MYO1B: variants seen among roughly 807,000 people sequenced by gnomAD.
The protein encoded by MYO1B is unconventional myosin-Ib.
In MYO1B, 72 loss-of-function variants were observed where a neutral mutation model predicts 159.7. That is an observed-to-expected ratio of 0.45 (90% CI 0.37 to 0.55). The LOEUF (loss-of-function observed/expected upper bound fraction) is 0.55, where lower values mean the gene tolerates loss of function less well. MYO1B is among the 20% of genes least tolerant of loss of function. The pLI is 0.00. For synonymous variants in MYO1B, 468 were observed against 473.8 expected, an observed-to-expected ratio of 0.99 and a Z score of 0.16; for missense variants, 1,062 against 1,364.8, an observed-to-expected ratio of 0.78 and a Z score of 3.50.
At chr2:191,341,233 G>A (rs1292971696) in intron 4 of MYO1B, among the ~76,000 whole-genome samples, 1 of 151,914 alleles carries the variant, frequency 6.6e-6, no homozygotes, top group Non-Finnish European at 1.5e-5. Flanking sequence ...TTTTTTAACA[G>A]CCCAGTGATA....
chr2:191,387,676 T>C (rs1255660482), intron 17 of MYO1B: 2 of 580,588 alleles, frequency 3.4e-6, no homozygotes, highest in African/African-American at 1.9e-5. Flanking sequence ...ATAGTAGATA[T>C]TTAATGAAAC....
chr2:191,368,411 C>T (rs1694147923), intron 11 of MYO1B, among the ~76,000 whole-genome samples: 1 of 152,148 alleles, frequency 6.6e-6, no homozygotes, highest in African/African-American at 2.4e-5. Flanking sequence ...CTCCAGGCCT[C>T]CCCAGGATGC....
chr2:191,256,226 G>A (rs1407071888), intron 1 of MYO1B, among the ~76,000 whole-genome samples: 1 of 152,158 alleles, frequency 6.6e-6, no homozygotes, highest in African/African-American at 2.4e-5. Context: ...GACAATACTG[G>A]TTTTTGAAAC....
chr2:191,327,365 A>G (rs1388219230), intron 3 of MYO1B, among the ~76,000 whole-genome samples: 1 of 152,328 alleles, frequency 6.6e-6, no homozygotes, highest in East Asian at 1.9e-4. Context: ...AGGTGTGTAC[A>G]TAACTAATTA....
chr2:191,312,001 T>G (rs1383533692), intron 3 of MYO1B, among the ~76,000 whole-genome samples: 1 of 152,246 alleles, frequency 6.6e-6, no homozygotes, highest in African/African-American at 2.4e-5. Context: ...TATGATTGAT[T>G]GTTAATGTCA....
chr2:191,300,493 G>A (rs897933770), intron 3 of MYO1B, among the ~76,000 whole-genome samples: 5 of 151,786 alleles, frequency 3.3e-5, no homozygotes, highest in Admixed American at 6.6e-5. Flanking sequence ...ACAGGTGCCC[G>A]CCACGACGTC....
At position 191,350,273 on chromosome 2, in the gene MYO1B, CAT is replaced by C; in HGVS notation, c.562+53_562+54del. On this transcript the variant is annotated intron_variant, in intron 7 of 30. Coordinates refer to ENST00000392318, the MANE Select transcript of MYO1B (RefSeq NM_001130158.3). ...TGTAAAGAAGTTCAGAATACTAAAA[CAT>C]ATATTTATAGTAGAATAGTTTAGAT... 3.7e-6 allele frequency: 5 copies of C among 1,367,142 alleles called. 1 individual carries two copies. The highest frequency in any genetic ancestry group is 2.4e-5 in the South Asian group (2 of 84,448). 84.7% of individuals were successfully genotyped at this position (1,367,142 alleles called of 1,614,324 possible).
intron 7 of MYO1B, among the ~76,000 whole-genome samples, chr2:191,353,325 G>A (rs763027241): frequency 1.3e-5 from 2 of 152,138 alleles, no homozygotes; most frequent in African/African-American, 2.4e-5. Flanking sequence ...TTATGAACTG[G>A]AAGCTTTTGG....
At chr2:191,402,318 G>T in intron 23 of MYO1B, 1 of 357,812 alleles carries the variant, frequency 2.8e-6, no homozygotes, top group Non-Finnish European at 5.2e-6. Context: ...GTGAAAGAGT[G>T]TGGAGAAGGC....
chr2:191,397,313 G>T (rs983795672), intron 21 of MYO1B, among the ~76,000 whole-genome samples: 3 of 146,782 alleles, frequency 2.0e-5, no homozygotes, highest in African/African-American at 7.5e-5. Context: ...AAAGGTCTCT[G>T]GTTTTCCTAG....
At chr2:191,419,152 A>G (rs1365567968) in intron 30 of MYO1B, among the ~76,000 whole-genome samples, 1 of 152,234 alleles carries the variant, frequency 6.6e-6, no homozygotes, top group African/African-American at 2.4e-5. Context: ...AAAAGCACAT[A>G]CAATTATGTA....
At chr2:191,363,202 T>G (rs6736960) in intron 9 of MYO1B, among the ~76,000 whole-genome samples, 5,089 of 152,300 alleles carry the variant, frequency 0.033, 249 homozygotes, top group African/African-American at 0.1. Context: ...GACATGATTT[T>G]GTTTAAACCT....
chr2:191,345,788 A>G (rs577051643), intron 5 of MYO1B, among the ~76,000 whole-genome samples: 30 of 152,314 alleles, frequency 2.0e-4, no homozygotes, highest in African/African-American at 6.7e-4. Context: ...TAATTAAACA[A>G]TTTAAAGGTT....
chr2:191,369,978 A>G (rs1358049400), intron 12 of MYO1B, among the ~76,000 whole-genome samples: 1 of 152,192 alleles, frequency 6.6e-6, no homozygotes, highest in Non-Finnish European at 1.5e-5. Context: ...TACTAAAATG[A>G]GAGTGTTGGA....
At chr2:191,397,812 G>A (rs937390233) in intron 21 of MYO1B, among the ~76,000 whole-genome samples, 4 of 145,272 alleles carry the variant, frequency 2.8e-5, no homozygotes, top group Non-Finnish European at 4.6e-5. Flanking sequence ...GCGTCTGGCC[G>A]GGCGGGGGGC....
intron 4 of MYO1B, among the ~76,000 whole-genome samples, chr2:191,339,450 G>A (rs1692072873): frequency 6.6e-6 from 1 of 152,208 alleles, no homozygotes; most frequent in Non-Finnish European, 1.5e-5. Flanking sequence ...AATGGAAAAT[G>A]TAGTTGAGGA....
chr2:191,262,564 A>G (rs748700907), intron 1 of MYO1B, among the ~76,000 whole-genome samples: 2 of 152,130 alleles, frequency 1.3e-5, no homozygotes, highest in Non-Finnish European at 2.9e-5. Flanking sequence ...GATGTGTGAC[A>G]TAAGTAATGA....
At chr2:191,406,276 T>C (rs1696911976) in intron 24 of MYO1B, among the ~76,000 whole-genome samples, 1 of 152,240 alleles carries the variant, frequency 6.6e-6, no homozygotes, top group Non-Finnish European at 1.5e-5. Context: ...ATTTTCTCCT[T>C]ATCAGCAATG....
rs1697225845 is a variant in MYO1B at position 191,411,086 on chromosome 2, A to G, written c.2787A>G (p.Gln929=). 5 of 1,608,540 alleles carry G rather than the reference A, an allele frequency of 3.1e-6. No individual in the cohort carries two copies. The African/African-American group carries it at 4.0e-5, about 13-fold the overall frequency. Residue 929 remains glutamine, a synonymous_variant, in exon 27 of 31, where the codon CAA becomes CAG. Transcript: ENST00000392318. ...CACAGTGTAAAAAATACAGGGACCA[A>G]TTCACAGACCAGCAGAAACTTATTT... is the stretch of plus-strand genomic sequence containing the variant. ...HLWRCKKYRD[Q]FTDQQKLIYE...
Sources: gnomAD v4.1 joint callset for allele counts (sites outside exome capture counted in the v4.1 genomes callset) on GRCh38, gnomAD v4.1.1 for gene constraint, MANE v1.5 for transcripts, NCBI Gene and HGNC (gene_info 2026-07-23, HGNC 2026-07-21) for gene names.